The following TAOK1 variants were observed in gnomAD, a reference collection of about 807,000 sequenced individuals.
The protein encoded by TAOK1 is TAO kinase 1, also known as serine/threonine-protein kinase TAO1.
Under a neutral mutation model 138.3 loss-of-function variants are expected in TAOK1, and 21 were observed. That is an observed-to-expected ratio of 0.15 (90% confidence interval 0.11 to 0.22). The LOEUF is 0.22. Among genes scored for constraint, TAOK1 ranks in the 10% least tolerant of loss-of-function variants. The pLI is 1.00. For synonymous variants in TAOK1, 361 were observed against 398.4 expected, an observed-to-expected ratio of 0.91 and a Z score of 1.12; for missense variants, 651 against 1,227.7, an observed-to-expected ratio of 0.53 and a Z score of 7.02.
chr17:29,418,947 T>TTTTTTTTTTTTTTA, intron 1 of TAOK1, among the ~76,000 whole-genome samples: 1 of 132,576 alleles, frequency 7.5e-6, no homozygotes, highest in Admixed American at 7.6e-5. Context: ...TTTTTTTTTT[T>TTTTTTTTTTTTTTA]ATGTATGTTT....
At chr17:29,500,910 T>C (rs1440307613) in intron 12 of TAOK1, among the ~76,000 whole-genome samples, 1 of 152,022 alleles carries the variant, frequency 6.6e-6, no homozygotes, top group Non-Finnish European at 1.5e-5. Flanking sequence ...CTATAAAATA[T>C]CTAAAATAGG....
chr17:29,513,614 G>A (rs980565548), intron 15 of TAOK1: 4 of 152,132 alleles, frequency 2.6e-5, no homozygotes, highest in Non-Finnish European at 4.4e-5. Flanking sequence ...CAGAGTCTTG[G>A]AGGGGAGAGT....
intron 9 of TAOK1, among the ~76,000 whole-genome samples, chr17:29,491,248 CT>C (rs2031289574): frequency 6.6e-6 from 1 of 152,080 alleles, no homozygotes; most frequent in African/African-American, 2.4e-5. Flanking sequence ...TTACAGACTT[CT>C]AACGTTTTTA....
intron 2 of TAOK1, among the ~76,000 whole-genome samples, chr17:29,452,351 A>G (rs1007893666): frequency 6.6e-6 from 1 of 152,184 alleles, no homozygotes; most frequent in Admixed American, 6.5e-5. Context: ...TTGCATTGCT[A>G]TAGAGTTAAA....
At chr17:29,397,740 C>CGT (rs1299976424) in intron 1 of TAOK1, among the ~76,000 whole-genome samples, 3 of 102,458 alleles carry the variant, frequency 2.9e-5, no homozygotes, top group South Asian at 2.6e-4. Flanking sequence ...CATATATACA[C>CGT]GTATATATAC....
intron 12 of TAOK1, among the ~76,000 whole-genome samples, chr17:29,502,379 A>G (rs894077210): frequency 1.3e-5 from 2 of 152,224 alleles, no homozygotes; most frequent in African/African-American, 4.8e-5. Flanking sequence ...ACAGTGAGCT[A>G]TGGTCATACC....
At chr17:29,411,940 T>C (rs1033374882) in intron 1 of TAOK1, among the ~76,000 whole-genome samples, 5 of 152,182 alleles carry the variant, frequency 3.3e-5, no homozygotes, top group African/African-American at 1.2e-4. Context: ...GTTTTTATTG[T>C]TTTTTAAGAT....
chr17:29,517,576 T>C lies in TAOK1; in HGVS notation c.1828T>C (p.Tyr610His), dbSNP rs771959614. ...EANLLRRQRQ[Y>H]LELECRRFKR... ...TAACCTTCTTCGACGTCAAAGACAA[T>C]ACCTAGAGCTGGAATGCCGTCGCTT... Residue 610 changes from tyrosine to histidine, a missense_variant, in exon 16 of 20, where the codon TAC becomes CAC. Transcript: ENST00000261716. The C allele has an allele frequency of 7.4e-6, 12 of 1,613,746 alleles. No individual in the cohort carries two copies. The highest frequency in any genetic ancestry group is 1.1e-5 in the South Asian group (1 of 91,084).
chr17:29,441,871 C>T (rs1397488099), intron 1 of TAOK1, among the ~76,000 whole-genome samples: 1 of 151,888 alleles, frequency 6.6e-6, no homozygotes, highest in Non-Finnish European at 1.5e-5. Flanking sequence ...TGCACTCCAG[C>T]CTGGTGACAG....
chr17:29,420,585 G>T (rs1364752968), intron 1 of TAOK1, among the ~76,000 whole-genome samples: 51 of 123,482 alleles, frequency 4.1e-4, no homozygotes, highest in South Asian at 1.0e-3. Context: ...TACTTAATCT[G>T]TTTTTTTTTT....
Position 29,517,611 on chromosome 17 carries a change from A to T in TAOK1, c.1863A>T (p.Arg621Ser). ...LELECRRFKR[R>S]MLLGRHNLEQ... Reference sequence around the variant, plus strand: ...TGGAATGCCGTCGCTTCAAGAGAAGAATGTTACTTGGGCGTCATAACTTAG... The same window carrying T: ...TGGAATGCCGTCGCTTCAAGAGAAGTATGTTACTTGGGCGTCATAACTTAG... Residue 621 changes from arginine (R) to serine (S), a missense_variant, in exon 16 of 20, where the codon AGA becomes AGT. Transcript: ENST00000261716. The T allele has an allele frequency of 6.2e-7, 1 of 1,613,322 alleles. No homozygotes were observed.
intron 1 of TAOK1, among the ~76,000 whole-genome samples, chr17:29,394,778 T>C (rs114295641): frequency 0.013 from 2,015 of 152,296 alleles, 45 homozygotes; most frequent in African/African-American, 0.045. Context: ...GAGGATCATA[T>C]GTGAACGAAT....
chr17:29,425,473 G>C (rs2153022160), intron 1 of TAOK1, among the ~76,000 whole-genome samples: 1 of 152,240 alleles, frequency 6.6e-6, no homozygotes, highest in Non-Finnish European at 1.5e-5. Context: ...GAGTTCACGA[G>C]TTTGAGACCA....
chr17:29,494,017 A>G (rs1003000852), intron 10 of TAOK1, among the ~76,000 whole-genome samples: 12 of 151,962 alleles, frequency 7.9e-5, no homozygotes, highest in Admixed American at 5.9e-4. Flanking sequence ...CTGAGGTTCA[A>G]GTGATTCTCG....
chr17:29,534,703 G>A (rs2032191838), intron 19 of TAOK1, among the ~76,000 whole-genome samples: 1 of 152,162 alleles, frequency 6.6e-6, no homozygotes, highest in East Asian at 1.9e-4. Flanking sequence ...CAGGGACAAA[G>A]GATCAGGAAT....
At chr17:29,456,071 G>GGC (rs1354544968) in intron 2 of TAOK1, among the ~76,000 whole-genome samples, 6 of 150,362 alleles carry the variant, frequency 4.0e-5, no homozygotes, top group Non-Finnish European at 8.8e-5. Flanking sequence ...GGTAGGGCCG[G>GGC]GCGCGGTGGC....
intron 1 of TAOK1, among the ~76,000 whole-genome samples, chr17:29,429,434 C>T (rs552373436): frequency 5.3e-5 from 8 of 151,948 alleles, no homozygotes; most frequent in Admixed American, 6.6e-5. Flanking sequence ...GCCACCAGGA[C>T]CGGCTAATTT....
At position 29,475,485 on chromosome 17, in the gene TAOK1, A is replaced by T. The variant is rs545275824; in HGVS notation, c.205-185A>T. 1.7e-3 allele frequency among the ~76,000 whole-genome samples: 260 copies of T among 152,286 alleles called. 1 individual carries two copies. The highest frequency in any genetic ancestry group is 5.8e-3 in the African/African-American group (240 of 41,570). On this transcript the variant is annotated intron_variant, in intron 3 of 19. Coordinates refer to ENST00000261716, the MANE Select transcript of TAOK1 (RefSeq NM_020791.4). ...AGCCCACAAGATGGAGGTTGCAGTT[A>T]GCTGAGATTGTGCCACTGCACTCCA...
intron 1 of TAOK1, among the ~76,000 whole-genome samples, chr17:29,441,875 G>C (rs149153261): frequency 1.3e-5 from 2 of 151,672 alleles, no homozygotes; most frequent in East Asian, 3.9e-4. Flanking sequence ...CTCCAGCCTG[G>C]TGACAGAGCA....
Sources: gnomAD v4.1 joint callset for allele counts (sites outside exome capture counted in the v4.1 genomes callset) on GRCh38, gnomAD v4.1.1 for gene constraint, MANE v1.5 for transcripts, NCBI Gene and HGNC (gene_info 2026-07-23, HGNC 2026-07-21) for gene names.